LONP2: variants seen among roughly 807,000 people sequenced by gnomAD.
LONP2 encodes the protein lon protease homolog 2, peroxisomal.
In LONP2, 60 loss-of-function variants were observed where a neutral mutation model predicts 85.6. That is an observed-to-expected ratio of 0.70 (90% confidence interval 0.57 to 0.87). The LOEUF (loss-of-function observed/expected upper bound fraction) is 0.87. LONP2 is among the 40% of genes least tolerant of loss of function. The pLI is 0.00. For missense variants in LONP2, 860 were observed against 1,063.5 expected (o/e 0.81, Z 2.66); for synonymous variants, 395 against 389.7 (o/e 1.01, Z -0.16).
At chr16:48,320,049 A>G (rs763388192) in intron 11 of LONP2, among the ~76,000 whole-genome samples, 2 of 150,164 alleles carry the variant, frequency 1.3e-5, no homozygotes, top group Non-Finnish European at 1.5e-5. Flanking sequence ...AATCTCAACT[A>G]CTCGGGAGGC....
intron 5 of LONP2, 40 bp downstream of exon 5, chr16:48,261,627 C>T: frequency 7.1e-7 from 1 of 1,412,726 alleles, no homozygotes; most frequent in Non-Finnish European, 9.5e-7. Flanking sequence ...TGTTTTCATT[C>T]TTGGTACTCC....
chr16:48,297,577 G>GGGATTA (rs1156435001), intron 9 of LONP2, among the ~76,000 whole-genome samples: 2 of 152,212 alleles, frequency 1.3e-5, no homozygotes, highest in East Asian at 3.8e-4. Context: ...CCAAAGTGCT[G>GGGATTA]GGATTACAGG....
rs1960033368 is a variant in LONP2, at chr16:48,348,307, A to C, written c.2337+17A>C. 6 of 1,382,792 alleles carry C rather than the reference A, an allele frequency of 4.3e-6. No homozygotes were observed. Among genetic ancestry groups the C allele is most frequent in the Non-Finnish European group, 5.7e-6 (6 of 1,048,264 alleles). 85.7% of individuals were successfully genotyped at this position (1,382,792 alleles called of 1,614,324 possible). ...GTTCTTCCAGTAAGTATGAAAAAAC[A>C]ATTTATATGGTTATTTTTTATTTAA... is the stretch of plus-strand genomic sequence containing the variant. On this transcript the variant is annotated intron_variant, in intron 14 of 14. Transcript: ENST00000285737.
At chr16:48,294,625 G>A (rs1972629028) in intron 8 of LONP2, among the ~76,000 whole-genome samples, 1 of 152,078 alleles carries the variant, frequency 6.6e-6, no homozygotes, top group Non-Finnish European at 1.5e-5. Context: ...AATTAGCCAG[G>A]TGGGGTGGTA....
Position 48,335,428 on chromosome 16 carries a change from C to T in LONP2, c.1938+1070C>T, listed in dbSNP as rs541285887. Among the ~76,000 whole-genome samples the T allele has an allele frequency of 6.6e-5, 10 of 152,230 alleles. No homozygotes were observed. In the East Asian group the frequency reaches 1.5e-3, roughly 24 times the overall value. On this transcript the variant is annotated intron_variant, in intron 12 of 14. Transcript: ENST00000285737. Reference sequence around the variant, plus strand: ...CAGCAGAAGGCCTGGGTGCCAAGACCGAGTTGAAGCAGCTGATGGAAATAG... The same window carrying T: ...CAGCAGAAGGCCTGGGTGCCAAGACTGAGTTGAAGCAGCTGATGGAAATAG...
At chr16:48,318,032 A>G (rs545320914) in intron 11 of LONP2, among the ~76,000 whole-genome samples, 3 of 151,878 alleles carry the variant, frequency 2.0e-5, no homozygotes, top group South Asian at 4.2e-4. Flanking sequence ...ACATCCTTTT[A>G]TTATGTGGTA....
chr16:48,347,729 C>A lies in LONP2; in HGVS notation c.2146+15C>A. On this transcript the variant is annotated intron_variant, in intron 13 of 14. Coordinates refer to ENST00000285737, the MANE Select transcript of LONP2 (RefSeq NM_031490.5). ...GCTGACCAATGGTAGGAGCCTGCAC[C>A]CGGCCAGGCAGGCGTGACCCAGGAG... 1 of 1,607,242 alleles carries A rather than the reference C, an allele frequency of 6.2e-7. No homozygotes were observed. Among genetic ancestry groups the A allele is most frequent in the Non-Finnish European group, 8.5e-7 (1 of 1,177,434 alleles).
intron 6 of LONP2, among the ~76,000 whole-genome samples, chr16:48,267,138 CCAT>C (rs1449302034): frequency 6.6e-6 from 1 of 152,000 alleles, no homozygotes; most frequent in Non-Finnish European, 1.5e-5. Context: ...AGCCATGTAT[CCAT>C]CATGAAAATA....
chr16:48,351,459 C>T (rs527555136), intron 14 of LONP2, 122 bp from the exon 15 acceptor site: 15 of 738,940 alleles, frequency 2.0e-5, no homozygotes, highest in South Asian at 9.7e-5. Flanking sequence ...TATAACAAAA[C>T]GGAAGATGAT....
intron 11 of LONP2, among the ~76,000 whole-genome samples, chr16:48,327,407 C>A (rs989142274): frequency 6.6e-6 from 1 of 152,132 alleles, no homozygotes; most frequent in Non-Finnish European, 1.5e-5. Flanking sequence ...TTTTATATTT[C>A]TGTGGCCTTT....
intron 2 of LONP2, 30 bp from the exon 3 acceptor site, chr16:48,256,580 C>T: frequency 1.2e-6 from 2 of 1,605,638 alleles, no homozygotes; most frequent in South Asian, 2.2e-5. Context: ...TGCCAGATTT[C>T]ATTTAAAAGA....
At chr16:48,247,954 G>A (rs941522335) in intron 1 of LONP2, among the ~76,000 whole-genome samples, 1 of 151,926 alleles carries the variant, frequency 6.6e-6, no homozygotes, top group Non-Finnish European at 1.5e-5. Context: ...CTTGTAGGTA[G>A]AAGTGGTACC....
intron 12 of LONP2, 167 bp downstream of exon 12, chr16:48,334,525 G>T: frequency 1.3e-6 from 1 of 796,576 alleles, no homozygotes; most frequent in Admixed American, 2.0e-5. Context: ...ACTTCTTGCA[G>T]CAGTTGACTG....
intron 11 of LONP2, among the ~76,000 whole-genome samples, chr16:48,328,045 G>T (rs1959301136): frequency 6.6e-6 from 1 of 152,092 alleles, no homozygotes; most frequent in Non-Finnish European, 1.5e-5. Flanking sequence ...GTGAGTCATA[G>T]AAATCTGTAT....
chr16:48,283,935 C>T (rs1422398164), intron 8 of LONP2, among the ~76,000 whole-genome samples: 3 of 152,058 alleles, frequency 2.0e-5, no homozygotes, highest in South Asian at 2.1e-4. Flanking sequence ...TCATGATTCA[C>T]GGGAGGAGGT....
chr16:48,352,029 C>T lies in LONP2; in HGVS notation c.*227C>T. ...TCTTGTCTTTTTAGTGGGATCCTTA[C>T]TGTCCCTGGAAAGATATAGCATAGT... On this transcript the variant is annotated 3_prime_UTR_variant, in exon 15 of 15. Transcript: ENST00000285737. 1 of 553,232 alleles carries T rather than the reference C, an allele frequency of 1.8e-6. No individual in the cohort carries two copies. The highest frequency in any genetic ancestry group is 3.2e-6 in the Non-Finnish European group (1 of 311,106). The allele number at this position is 553,232 out of a possible 1,614,324, so 34.3% of individuals were successfully genotyped here.
downstream of LONP2, among the ~76,000 whole-genome samples, chr16:48,358,265 C>G (rs1182479084): frequency 4.6e-5 from 7 of 152,094 alleles, no homozygotes; most frequent in Non-Finnish European, 8.8e-5. Flanking sequence ...AAACTTCACA[C>G]AGTTACTGGT....
intron 1 of LONP2, among the ~76,000 whole-genome samples, chr16:48,245,624 G>A (rs1302207660): frequency 6.6e-6 from 1 of 150,750 alleles, no homozygotes. Flanking sequence ...GAAACCAGGA[G>A]GTTGGTCACC....
At chr16:48,256,193 G>T (rs188863173) in intron 2 of LONP2, among the ~76,000 whole-genome samples, 1 of 152,192 alleles carries the variant, frequency 6.6e-6, no homozygotes, top group East Asian at 1.9e-4. Flanking sequence ...TTAATTATGT[G>T]TGAGTGTGGA....
Sources: allele counts gnomAD v4.1 joint callset (sites outside exome capture counted in the v4.1 genomes callset), GRCh38; gene constraint gnomAD v4.1.1; transcripts MANE v1.5; gene names NCBI Gene and HGNC (gene_info 2026-07-23, HGNC 2026-07-21).